The following CHN2 variants were observed in gnomAD, a reference collection of about 807,000 sequenced individuals.
CHN2 encodes the protein beta-chimaerin.
A neutral mutation model predicts 56.3 loss-of-function variants in CHN2; 35 were observed. The observed-to-expected ratio is 0.62, with a 90% CI of 0.47 to 0.82. The LOEUF (loss-of-function observed/expected upper bound fraction) is 0.82. Ranked by LOEUF, CHN2 falls within the 40% of genes least tolerant of loss-of-function variation. The pLI is 0.00. For synonymous variants in CHN2, 210 were observed against 212.8 expected, an observed-to-expected ratio of 0.99 and a Z score of 0.12; for missense variants, 491 against 580.5, an observed-to-expected ratio of 0.85 and a Z score of 1.58.
chr7:29,219,754 G>A (rs1785622963), intron 1 of CHN2, among the ~76,000 whole-genome samples: 2 of 152,148 alleles, frequency 1.3e-5, no homozygotes, highest in Non-Finnish European at 2.9e-5. Context: ...AAATTATCAT[G>A]AGAGATAAAG....
chr7:29,319,046 A>G (rs559416518), intron 1 of CHN2, among the ~76,000 whole-genome samples: 1 of 152,306 alleles, frequency 6.6e-6, no homozygotes, highest in Admixed American at 6.5e-5. Context: ...CCCTCCCCTC[A>G]GACACAGGGC....
At chr7:29,273,643 A>G (rs1790942083) in intron 1 of CHN2, among the ~76,000 whole-genome samples, 1 of 151,710 alleles carries the variant, frequency 6.6e-6, no homozygotes, top group African/African-American at 2.4e-5. Flanking sequence ...CCAACATTAT[A>G]CTAGGTTTTC....
At chr7:29,207,200 CAG>C (rs1355114074) in intron 1 of CHN2, among the ~76,000 whole-genome samples, 1 of 152,166 alleles carries the variant, frequency 6.6e-6, no homozygotes, top group African/African-American at 2.4e-5. Context: ...CGTGAGCAAA[CAG>C]AAAATACAAA....
At position 29,203,424 on chromosome 7, in the gene CHN2, G is replaced by A. The variant is rs1385142449; in HGVS notation, c.49+8434G>A. ...AGAGGTTGTAGTGAGCAGAGATTGC[G>A]CCATTGCATTCCAGCCTGGGCAACA... On this transcript the variant is annotated intron_variant, in intron 1 of 12. Transcript: ENST00000222792. Among the ~76,000 whole-genome samples the A allele has an allele frequency of 4.6e-5, 6 of 130,044 alleles. No homozygotes were observed. The South Asian group carries it at 7.2e-4, about 16-fold the overall frequency. The allele number at this position is 130,044 out of a possible 152,430, so 85.3% of individuals were successfully genotyped here. A position where few individuals can be genotyped will look rare whatever the true frequency, so the allele number is the denominator to read the frequency against.
intron 8 of CHN2, among the ~76,000 whole-genome samples, chr7:29,499,257 A>G (rs1286168868): frequency 6.6e-6 from 1 of 152,204 alleles, no homozygotes; most frequent in Non-Finnish European, 1.5e-5. Flanking sequence ...ATAGTTAGGC[A>G]TTATTTCCAC....
chr7:29,282,070 C>T (rs771557637), intron 1 of CHN2, among the ~76,000 whole-genome samples: 6 of 152,154 alleles, frequency 3.9e-5, no homozygotes, highest in East Asian at 1.9e-4. Flanking sequence ...ATCTGGTTTT[C>T]GACAAGCAGT....
intron 1 of CHN2, among the ~76,000 whole-genome samples, chr7:29,305,660 T>C (rs1794082342): frequency 6.6e-6 from 1 of 152,196 alleles, no homozygotes; most frequent in South Asian, 2.1e-4. Flanking sequence ...TGATAAAGTT[T>C]ACTTGTGTAG....
At chr7:29,198,448 A>T (rs1208979453) in intron 1 of CHN2, among the ~76,000 whole-genome samples, 1 of 152,228 alleles carries the variant, frequency 6.6e-6, no homozygotes, top group African/African-American at 2.4e-5. Flanking sequence ...TCAGGTTACA[A>T]TTAATTTAAA....
intron 1 of CHN2, among the ~76,000 whole-genome samples, chr7:29,334,959 C>G (rs1034814844): frequency 6.6e-6 from 1 of 152,076 alleles, no homozygotes; most frequent in Non-Finnish European, 1.5e-5. Flanking sequence ...TTACTGACAC[C>G]CGGAATGATT....
intron 1 of CHN2, among the ~76,000 whole-genome samples, chr7:29,229,558 T>A (rs1005951927): frequency 2.0e-5 from 3 of 152,238 alleles, no homozygotes; most frequent in Non-Finnish European, 2.9e-5. Flanking sequence ...CATTTTCGTT[T>A]GGTTTATCAC....
intron 3 of CHN2, among the ~76,000 whole-genome samples, chr7:29,391,560 T>A (rs1405784144): frequency 6.6e-6 from 1 of 152,210 alleles, no homozygotes; most frequent in Non-Finnish European, 1.5e-5. Flanking sequence ...GCTCTTCTTT[T>A]ATTTTCTAGT....
At chr7:29,305,790 C>T (rs1017858288) in intron 1 of CHN2, among the ~76,000 whole-genome samples, 2 of 98,096 alleles carry the variant, frequency 2.0e-5, no homozygotes, top group African/African-American at 3.4e-5. Context: ...CTCCTCCCCT[C>T]CATCCTCCCG....
chr7:29,222,939 G>T (rs113134508), intron 1 of CHN2, among the ~76,000 whole-genome samples: 9 of 152,240 alleles, frequency 5.9e-5, no homozygotes, highest in African/African-American at 1.9e-4. Flanking sequence ...AGCAGTAATG[G>T]TTACAGATAT....
chr7:29,360,233 A>G (rs936257634), intron 2 of CHN2, among the ~76,000 whole-genome samples: 1 of 152,156 alleles, frequency 6.6e-6, no homozygotes, highest in Non-Finnish European at 1.5e-5. Context: ...TTAAGACTCG[A>G]CATTCTGGCC....
intron 1 of CHN2, among the ~76,000 whole-genome samples, chr7:29,197,615 A>G (rs1230540352): frequency 2.0e-5 from 3 of 152,240 alleles, no homozygotes; most frequent in African/African-American, 4.8e-5. Context: ...CCAACACACA[A>G]TCCACTTCTT....
At chr7:29,195,629 A>AGAGAGTGT (rs869037854) in intron 1 of CHN2, among the ~76,000 whole-genome samples, 68 of 117,570 alleles carry the variant, frequency 5.8e-4, no homozygotes, top group African/African-American at 2.2e-3. Flanking sequence ...AGAGAGAGAG[A>AGAGAGTGT]GTGTGTGTGT....
intron 1 of CHN2, among the ~76,000 whole-genome samples, chr7:29,322,890 C>T (rs1330267654): frequency 6.6e-6 from 1 of 152,106 alleles, no homozygotes; most frequent in East Asian, 1.9e-4. Context: ...TGGCTGGGTG[C>T]GGTGGCTCAT....
At chr7:29,303,535 C>A (rs1793890755) in intron 1 of CHN2, among the ~76,000 whole-genome samples, 1 of 152,198 alleles carries the variant, frequency 6.6e-6, no homozygotes, top group Non-Finnish European at 1.5e-5. Flanking sequence ...CTCTCAGGAT[C>A]TGCCTGGAGG....
chr7:29,230,431 C>G (rs532467700), intron 1 of CHN2, among the ~76,000 whole-genome samples: 1 of 152,148 alleles, frequency 6.6e-6, no homozygotes, highest in Non-Finnish European at 1.5e-5. Context: ...GCCTGTGCCT[C>G]CCGGGCTCAA....
Sources: allele counts gnomAD v4.1 joint callset (sites outside exome capture counted in the v4.1 genomes callset), GRCh38; gene constraint gnomAD v4.1.1; transcripts MANE v1.5; gene names NCBI Gene and HGNC (gene_info 2026-07-23, HGNC 2026-07-21).